Variants in INSR observed in about 807,000 individuals in gnomAD.
The protein encoded by INSR is IR.
In INSR, 67 loss-of-function variants were observed where a neutral mutation model predicts 142.6. That is an observed-to-expected ratio of 0.47 (90% CI 0.39 to 0.58). INSR has a LOEUF of 0.58. Among genes scored for constraint, INSR ranks in the 20% least tolerant of loss-of-function variants. The pLI is 0.00. For synonymous variants in INSR, 756 were observed against 743.1 expected (o/e 1.02, Z -0.28); for missense variants, 1,248 against 1,833.2 (o/e 0.68, Z 5.83).
chr19:7,188,030 C>T (rs997480680), intron 2 of INSR, among the ~76,000 whole-genome samples: 6 of 152,022 alleles, frequency 3.9e-5, no homozygotes, highest in Non-Finnish European at 5.9e-5. Flanking sequence ...CTGCACCTCC[C>T]ACCCACACAC....
chr19:7,238,110 C>T (rs1020788157), intron 2 of INSR, among the ~76,000 whole-genome samples: 1 of 152,106 alleles, frequency 6.6e-6, no homozygotes, highest in Admixed American at 6.6e-5. Flanking sequence ...GCCCTGAAAT[C>T]ATTTGAAGAG....
Position 7,267,760 on chromosome 19 carries a change from G to A in INSR, c.237C>T (p.Pro79=), listed in dbSNP as rs1967783732. ...RPEDFRDLSF[P]KLIMITDYLL... is the part of the protein sequence containing the mutation. ...AGTAATCAGTGATCATGATGAGTTTGGGGAAACTGAGGTCTCGGAAATCTT... is the reference window on the plus strand; with the variant it reads ...AGTAATCAGTGATCATGATGAGTTTAGGGAAACTGAGGTCTCGGAAATCTT... Residue 79 remains proline (P), a synonymous_variant, in exon 2 of 22, where the codon CCC becomes CCT. Coordinates refer to ENST00000302850, the MANE Select transcript of INSR (RefSeq NM_000208.4). The surrounding 1 kb of genome is among the most constrained non-coding windows in gnomAD (Gnocchi z 6.3). 1 of 1,614,048 alleles carries A rather than the reference G, an allele frequency of 6.2e-7. No homozygotes were observed. The highest frequency in any genetic ancestry group is 1.3e-5 in the African/African-American group (1 of 74,912).
intron 2 of INSR, among the ~76,000 whole-genome samples, chr19:7,188,614 G>A (rs930422784): frequency 6.8e-6 from 1 of 146,366 alleles, no homozygotes; most frequent in Admixed American, 6.9e-5. Flanking sequence ...GCTGATGCTT[G>A]TAATCCCAGC....
chr19:7,263,428 G>T (rs1438034362), intron 2 of INSR, among the ~76,000 whole-genome samples: 2 of 152,160 alleles, frequency 1.3e-5, no homozygotes, highest in African/African-American at 4.8e-5. Context: ...GCCCCCTGGG[G>T]ATACTGCTAC....
chr19:7,197,022 C>T (rs1047799069), intron 2 of INSR, among the ~76,000 whole-genome samples: 3 of 152,192 alleles, frequency 2.0e-5, no homozygotes, highest in Non-Finnish European at 4.4e-5. Context: ...GAGCCAAATT[C>T]CTCTAGTTGG....
chr19:7,198,514 A>G (rs1974856785), intron 2 of INSR, among the ~76,000 whole-genome samples: 1 of 152,136 alleles, frequency 6.6e-6, no homozygotes, highest in African/African-American at 2.4e-5. Flanking sequence ...GCCCGGGAGG[A>G]GATCGGGTCA....
Position 7,184,395 on chromosome 19 carries a change from G to C in INSR, c.895C>G (p.Gln299Glu), listed in dbSNP as rs1202960802. The C allele has an allele frequency of 3.1e-6, 5 of 1,614,080 alleles. No individual in the cohort carries two copies. The highest frequency in any genetic ancestry group is 4.2e-6 in the Non-Finnish European group (5 of 1,180,008). Residue 299 changes from glutamine to glutamate, a missense_variant, in exon 3 of 22, where the codon CAG becomes GAG. Around this residue, in one of 3 missense-constraint regions of INSR, gnomAD observed 1,069 missense variants for 1,654.0 expected, o/e 0.65. Coordinates refer to ENST00000302850, the MANE Select transcript of INSR (RefSeq NM_000208.4). ...LHHKCKNSRR[Q>E]GCHQYVIHNN... ...TGAATGACGTACTGGTGGCAGCCCT[G>C]CCTCCGCGAGTTCTTGCATTTGTGG...
intron 2 of INSR, among the ~76,000 whole-genome samples, chr19:7,251,468 C>A (rs907693234): frequency 1.3e-5 from 2 of 151,504 alleles, no homozygotes; most frequent in Non-Finnish European, 2.9e-5. Flanking sequence ...ACTATGTTGT[C>A]CAGGCTGGTC....
At chr19:7,183,266 G>A (rs1974322041) in intron 3 of INSR, among the ~76,000 whole-genome samples, 1 of 66,804 alleles carries the variant, frequency 1.5e-5, no homozygotes, top group South Asian at 4.7e-4. Context: ...GTTTTGTGGT[G>A]TGTGTGTGTG....
chr19:7,173,944 C>T (rs1974077742), intron 4 of INSR, among the ~76,000 whole-genome samples: 1 of 151,814 alleles, frequency 6.6e-6, no homozygotes. Flanking sequence ...TCTGAAAACA[C>T]AGCCTGCAGT....
chr19:7,191,278 ACT>A (rs1403562179), intron 2 of INSR, among the ~76,000 whole-genome samples: 1 of 144,186 alleles, frequency 6.9e-6, no homozygotes, highest in East Asian at 2.1e-4. Context: ...AGAGAGTGAG[ACT>A]CTGTCTCAAA....
chr19:7,219,512 C>T (rs796771944), intron 2 of INSR, among the ~76,000 whole-genome samples: 6 of 32,882 alleles, frequency 1.8e-4, no homozygotes, highest in East Asian at 1.9e-3. Context: ...AGGGAGGGAA[C>T]GAAGGAAAGA....
In INSR at chr19:7,215,080, C is replaced by T. The variant is rs185683132; in HGVS notation, c.653-30443G>A. ...AATGGATCTTCCTGCCTCAGCCTCC[C>T]GAGTAGCTGGGGCTACAGGCACACG... On this transcript the variant is annotated intron_variant, in intron 2 of 21. Transcript: ENST00000302850. 1.6e-3 allele frequency among the ~76,000 whole-genome samples: 250 copies of T among 152,092 alleles called. 1 individual carries two copies. Among genetic ancestry groups the T allele is most frequent in the African/African-American group, 4.8e-3 (201 of 41,484 alleles).
Position 7,225,692 on chromosome 19 carries a change from T to C in INSR, c.653-41055A>G, listed in dbSNP as rs1975755729. The stretch of plus-strand genomic sequence containing the variant: ...ACGAGGCTGATGATGGGCTCTTGGT[T>C]TCCATTTCCCCCCCCTCAAAAAAAG... On this transcript the variant is annotated intron_variant, in intron 2 of 21. Transcript: ENST00000302850. This position sits in a 1 kb window ranked among gnomAD's most constrained non-coding sequence, Gnocchi z 4.7. Among the ~76,000 whole-genome samples the C allele has an allele frequency of 1.0e-5, 1 of 98,970 alleles. No homozygotes were observed. Among genetic ancestry groups the C allele is most frequent in the Admixed American group, 1.2e-4 (1 of 8,112 alleles). 64.9% of individuals were successfully genotyped at this position (98,970 alleles called of 152,430 possible).
intron 1 of INSR, among the ~76,000 whole-genome samples, chr19:7,292,420 G>A (rs981360641): frequency 8.0e-6 from 1 of 125,704 alleles, no homozygotes. Context: ...CCAACTAACC[G>A]CCACCCTTCA....
At chr19:7,155,322 G>T (rs1599920011) in intron 9 of INSR, among the ~76,000 whole-genome samples, 2 of 152,020 alleles carry the variant, frequency 1.3e-5, no homozygotes, top group Non-Finnish European at 2.9e-5. Context: ...ATCACTTGAG[G>T]TCAGGAGTTC....
At chr19:7,249,551 A>G (rs1417099490) in intron 2 of INSR, among the ~76,000 whole-genome samples, 1 of 152,060 alleles carries the variant, frequency 6.6e-6, no homozygotes, top group Non-Finnish European at 1.5e-5. Context: ...CTAGACAAAT[A>G]TTTAGTCTGG....
At chr19:7,218,340 G>A (rs1247550434) in intron 2 of INSR, among the ~76,000 whole-genome samples, 1 of 151,966 alleles carries the variant, frequency 6.6e-6, no homozygotes. Flanking sequence ...CAGTACTGTG[G>A]TTGAATAGGC....
At chr19:7,158,337 A>C (rs943325492) in intron 9 of INSR, among the ~76,000 whole-genome samples, 13 of 151,372 alleles carry the variant, frequency 8.6e-5, no homozygotes, top group Non-Finnish European at 1.5e-4. Flanking sequence ...CGTCTCTACT[A>C]AAAAATACAA....
Sources: allele counts gnomAD v4.1 joint callset (sites outside exome capture counted in the v4.1 genomes callset), GRCh38; gene constraint gnomAD v4.1.1; regional missense constraint gnomAD v4.1.1; non-coding constraint Gnocchi (gnomAD v3.1); transcripts MANE v1.5; gene names NCBI Gene and HGNC (gene_info 2026-07-23, HGNC 2026-07-21).